ATP9A: variants seen among roughly 807,000 people sequenced by gnomAD.
The protein encoded by ATP9A is probable phospholipid-transporting ATPase IIA.
ATP9A carries 52 observed loss-of-function variants against 144.1 expected under a neutral mutation model. The ratio of observed to expected loss-of-function variants is 0.36; its 90% CI spans 0.29 to 0.45. ATP9A has a LOEUF of 0.45. ATP9A is among the 20% of genes least tolerant of loss of function. The pLI is 1.00. For missense variants in ATP9A, 947 were observed against 1,392.7 expected, an observed-to-expected ratio of 0.68 and a Z score of 5.09; for synonymous variants, 582 against 557.4, an observed-to-expected ratio of 1.04 and a Z score of -0.62.
intron 12 of ATP9A, among the ~76,000 whole-genome samples, chr20:51,670,787 G>T (rs768917350): frequency 6.6e-6 from 1 of 152,004 alleles, no homozygotes; most frequent in Non-Finnish European, 1.5e-5. Context: ...AGCTTGCTTC[G>T]GCTACTATGC....
chr20:51,668,129 T>TGGGGGGGGGGGGG (rs2077441241), intron 13 of ATP9A, among the ~76,000 whole-genome samples: 1 of 702 alleles, frequency 1.4e-3, no homozygotes, highest in African/African-American at 2.9e-3. Context: ...GGCGAGGGGC[T>TGGGGGGGGGGGGG]GGGGGAGGGG....
chr20:51,738,055 GTC>G (rs2077770031), intron 1 of ATP9A, among the ~76,000 whole-genome samples: 1 of 148,548 alleles, frequency 6.7e-6, no homozygotes. Context: ...TTGAGACAGA[GTC>G]TCTCTCTGTT....
At chr20:51,768,039 C>T (rs1366228188) in intron 1 of ATP9A, among the ~76,000 whole-genome samples, 1 of 152,054 alleles carries the variant, frequency 6.6e-6, no homozygotes, top group Non-Finnish European at 1.5e-5. Flanking sequence ...GCGGGCCCGG[C>T]TTCTCGGGGT....
chr20:51,747,098 G>T (rs1201711393), intron 1 of ATP9A, among the ~76,000 whole-genome samples: 9 of 138,686 alleles, frequency 6.5e-5, no homozygotes, highest in African/African-American at 7.9e-5. Flanking sequence ...TGGGTTTTTC[G>T]TTTTTTTTTT....
intron 1 of ATP9A, among the ~76,000 whole-genome samples, chr20:51,767,244 G>A (rs1022644662): frequency 6.6e-6 from 1 of 152,052 alleles, no homozygotes; most frequent in Admixed American, 6.6e-5. Context: ...AGCGGCCGCA[G>A]GCCCCGCCCA....
chr20:51,727,488 A>T (rs1312626723), intron 2 of ATP9A, among the ~76,000 whole-genome samples: 2 of 151,994 alleles, frequency 1.3e-5, no homozygotes, highest in African/African-American at 4.8e-5. Context: ...CAGGAGGCTG[A>T]AGTGGGAGGA....
chr20:51,658,888 C>CGGTGGGGCG lies in ATP9A; in HGVS notation c.1294-1739_1294-1738insCGCCCCACC, dbSNP rs746874247. 1.1e-3 allele frequency among the ~76,000 whole-genome samples: 62 copies of CGGTGGGGCG among 54,822 alleles called. 2 individuals carry two copies. In the East Asian group the frequency reaches 0.017, roughly 15 times the overall value. 36.0% of individuals were successfully genotyped at this position (54,822 alleles called of 152,430 possible). ...ATATAATGAAAATTAAGACCACTGG[C>CGGTGGGGCG]GGGGGGGGGGGGGGGAAGGCTCATT... On this transcript the variant is annotated intron_variant, in intron 13 of 27. Transcript: ENST00000338821.
intron 1 of ATP9A, among the ~76,000 whole-genome samples, chr20:51,759,391 G>A (rs1195506419): frequency 2.6e-5 from 4 of 152,178 alleles, no homozygotes; most frequent in African/African-American, 4.8e-5. Context: ...GTACACACAC[G>A]GCCGGGTGCG....
At chr20:51,677,944 G>A (rs533500596) in intron 9 of ATP9A, among the ~76,000 whole-genome samples, 3 of 152,010 alleles carry the variant, frequency 2.0e-5, no homozygotes, top group Non-Finnish European at 4.4e-5. Context: ...GATCTATTTT[G>A]GAGAGAAATT....
intron 15 of ATP9A, among the ~76,000 whole-genome samples, chr20:51,635,831 A>AAGGAAGGAAGGAAGGAAGGAAGGAAGGAC: frequency 1.2e-5 from 1 of 86,186 alleles, no homozygotes; most frequent in African/African-American, 4.3e-5. Flanking sequence ...GAAGGGAGGG[A>AAGGAAGGAAGGAAGGAAGGAAGGAAGGAC]GGGAGGGAGG....
chr20:51,651,540 G>A (rs946269923), intron 14 of ATP9A, among the ~76,000 whole-genome samples: 3 of 151,440 alleles, frequency 2.0e-5, no homozygotes, highest in Non-Finnish European at 4.4e-5. Flanking sequence ...AGTAGTTATC[G>A]CCAGGTGGCA....
intron 9 of ATP9A, among the ~76,000 whole-genome samples, chr20:51,683,594 T>G (rs1002340271): frequency 1.3e-5 from 2 of 152,138 alleles, no homozygotes; most frequent in African/African-American, 4.8e-5. Context: ...GTTTTTATTT[T>G]TTGTAGAGAT....
At chr20:51,716,729 T>C (rs1032455382) in intron 3 of ATP9A, among the ~76,000 whole-genome samples, 5 of 152,200 alleles carry the variant, frequency 3.3e-5, no homozygotes, top group Non-Finnish European at 5.9e-5. Context: ...AAAATCAGAA[T>C]GTTTCCTGAG....
At chr20:51,679,739 T>A (rs1440933614) in intron 9 of ATP9A, among the ~76,000 whole-genome samples, 1 of 152,194 alleles carries the variant, frequency 6.6e-6, no homozygotes, top group Non-Finnish European at 1.5e-5. Context: ...TCTAACTGAC[T>A]CTCTGGAACA....
At chr20:51,759,665 T>C (rs1328670021) in intron 1 of ATP9A, among the ~76,000 whole-genome samples, 3 of 151,848 alleles carry the variant, frequency 2.0e-5, no homozygotes, top group African/African-American at 7.3e-5. Context: ...AAGAGCAAGA[T>C]TCTGTCACAA....
chr20:51,638,523 T>A (rs896336245), intron 15 of ATP9A, among the ~76,000 whole-genome samples: 5 of 151,790 alleles, frequency 3.3e-5, no homozygotes, highest in African/African-American at 1.2e-4. Flanking sequence ...AACACCAGAT[T>A]TTCCAGCCTC....
intron 18 of ATP9A, 103 bp downstream of exon 18, chr20:51,625,089 C>A (rs2077242537): frequency 2.6e-6 from 3 of 1,153,420 alleles, no homozygotes; most frequent in Non-Finnish European, 3.7e-6. Flanking sequence ...TCCTGGTGTC[C>A]TCTGCTGCTC....
At chr20:51,683,036 G>A (rs1017252924) in intron 9 of ATP9A, among the ~76,000 whole-genome samples, 1 of 150,686 alleles carries the variant, frequency 6.6e-6, no homozygotes, top group Non-Finnish European at 1.5e-5. Context: ...AGGTTGCAAT[G>A]AGCAGAGATC....
chr20:51,679,352 T>C (rs1249231643), intron 9 of ATP9A, among the ~76,000 whole-genome samples: 1 of 152,114 alleles, frequency 6.6e-6, no homozygotes, highest in Non-Finnish European at 1.5e-5. Context: ...AAAAGAGATC[T>C]CTGGCTTTTC....
Sources: allele counts gnomAD v4.1 joint callset (sites outside exome capture counted in the v4.1 genomes callset), GRCh38; gene constraint gnomAD v4.1.1; transcripts MANE v1.5; gene names NCBI Gene and HGNC (gene_info 2026-07-23, HGNC 2026-07-21).